The following CCDC73 variants were observed in gnomAD, a reference collection of about 807,000 sequenced individuals.
CCDC73 encodes coiled-coil domain containing 73, also known as coiled-coil domain-containing protein 73.
Under a neutral mutation model 116.5 loss-of-function variants are expected in CCDC73, and 95 were observed. The ratio of observed to expected loss-of-function variants is 0.82; its 90% CI spans 0.69 to 0.97. The LOEUF is 0.97. Among genes scored for constraint, CCDC73 ranks in the 50% least tolerant of loss-of-function variants. The pLI is 0.00. For missense variants in CCDC73, 1,066 were observed against 1,206.8 expected, an observed-to-expected ratio of 0.88 and a Z score of 1.73; for synonymous variants, 398 against 401.3, an observed-to-expected ratio of 0.99 and a Z score of 0.10.
intron 13 of CCDC73, among the ~76,000 whole-genome samples, chr11:32,636,866 A>G (rs1375678559): frequency 1.3e-5 from 2 of 151,708 alleles, no homozygotes; most frequent in African/African-American, 2.4e-5. Flanking sequence ...CCTAAGTCCT[A>G]ATTCTAGGAA....
chr11:32,651,151 G>C (rs1855822814), intron 12 of CCDC73, among the ~76,000 whole-genome samples: 1 of 151,998 alleles, frequency 6.6e-6, no homozygotes, highest in South Asian at 2.1e-4. Context: ...ACGTGGGTGG[G>C]GAAGAGAATC....
At chr11:32,719,069 CAG>C (rs1849969148) in intron 2 of CCDC73, among the ~76,000 whole-genome samples, 1 of 152,174 alleles carries the variant, frequency 6.6e-6, no homozygotes, top group Non-Finnish European at 1.5e-5. Flanking sequence ...GCTGCAAAGA[CAG>C]AGTTTCTCTG....
the CCDC73 span, among the ~76,000 whole-genome samples, chr11:32,820,297 C>G: frequency 3.3e-5 from 5 of 152,030 alleles, 1 homozygote; most frequent in African/African-American, 9.7e-5. Flanking sequence ...GAACTATAGG[C>G]ATGTGACACC....
At chr11:32,764,638 A>G (rs1010145928) in intron 1 of CCDC73, among the ~76,000 whole-genome samples, 4 of 152,206 alleles carry the variant, frequency 2.6e-5, no homozygotes, top group Admixed American at 2.0e-4. Context: ...AGGAACAACC[A>G]GTACCAGCCA....
chr11:32,695,505 T>C (rs775043039), intron 6 of CCDC73, among the ~76,000 whole-genome samples: 6 of 152,132 alleles, frequency 3.9e-5, no homozygotes, highest in Non-Finnish European at 8.8e-5. Flanking sequence ...GTGGAGTGAG[T>C]TGAATGTGTT....
intron 12 of CCDC73, among the ~76,000 whole-genome samples, chr11:32,645,267 TA>T (rs1855766867): frequency 6.6e-6 from 1 of 150,576 alleles, no homozygotes; most frequent in Admixed American, 6.7e-5. Context: ...GTTTCACAGT[TA>T]ACTTTTTTTT....
At chr11:32,683,736 T>A (rs1264133187) in intron 6 of CCDC73, among the ~76,000 whole-genome samples, 162 bp from the exon 7 acceptor site, 3 of 152,186 alleles carry the variant, frequency 2.0e-5, no homozygotes, top group African/African-American at 7.2e-5. Context: ...TGCTAGATAC[T>A]TTCCTAGACT....
At chr11:32,806,361 CT>C in the CCDC73 span, among the ~76,000 whole-genome samples, 16 of 152,190 alleles carry the variant, frequency 1.1e-4, no homozygotes, top group African/African-American at 3.4e-4. Flanking sequence ...TAGCTCACCC[CT>C]ATCATCCCGC....
chr11:32,729,913 T>C (rs1297340056), intron 2 of CCDC73, among the ~76,000 whole-genome samples: 1 of 152,214 alleles, frequency 6.6e-6, no homozygotes, highest in Non-Finnish European at 1.5e-5. Context: ...AGAAACAAAT[T>C]TACCAAGTAG....
intron 2 of CCDC73, among the ~76,000 whole-genome samples, chr11:32,729,482 C>T (rs945702651): frequency 2.6e-5 from 4 of 152,096 alleles, no homozygotes; most frequent in South Asian, 2.1e-4. Context: ...AATGAACATA[C>T]GTGTGCATGT....
chr11:32,751,517 G>T (rs1479023032), intron 2 of CCDC73, among the ~76,000 whole-genome samples: 2 of 152,166 alleles, frequency 1.3e-5, no homozygotes, highest in Non-Finnish European at 2.9e-5. Flanking sequence ...TTCGCCTCTG[G>T]CTAGGGCTAG....
At chr11:32,662,606 G>C (rs1315937668) in intron 9 of CCDC73, among the ~76,000 whole-genome samples, 1 of 151,844 alleles carries the variant, frequency 6.6e-6, no homozygotes, top group African/African-American at 2.4e-5. Context: ...CAGATGAGTA[G>C]ATTGCAAAAT....
chr11:32,806,373 A>G, the CCDC73 span, among the ~76,000 whole-genome samples: 1 of 152,096 alleles, frequency 6.6e-6, no homozygotes, highest in African/African-American at 2.4e-5. Context: ...ATCATCCCGC[A>G]CTTTGGGAGG....
chr11:32,640,670 C>G (rs1207407063), intron 13 of CCDC73, among the ~76,000 whole-genome samples: 2 of 152,016 alleles, frequency 1.3e-5, no homozygotes, highest in Admixed American at 6.6e-5. Context: ...TTAAGTAAAC[C>G]TTAGCAAAAC....
intron 2 of CCDC73, among the ~76,000 whole-genome samples, chr11:32,740,051 T>G (rs749649113): frequency 2.2e-4 from 33 of 152,160 alleles, no homozygotes; most frequent in Non-Finnish European, 3.4e-4. Context: ...TAAATGATAC[T>G]TTTAATCTGT....
the CCDC73 span, among the ~76,000 whole-genome samples, chr11:32,802,795 C>T: frequency 6.6e-6 from 1 of 152,282 alleles, no homozygotes; most frequent in Admixed American, 6.5e-5. Context: ...CTCTGTTGCC[C>T]AGGCTGGAGT....
chr11:32,804,184 G>A, the CCDC73 span, among the ~76,000 whole-genome samples: 6 of 152,098 alleles, frequency 3.9e-5, no homozygotes, highest in Non-Finnish European at 7.3e-5. Context: ...TGTTGCCCAG[G>A]CTGGAGTGCA....
chr11:32,675,970 G>T lies in CCDC73; in HGVS notation c.481C>A (p.Leu161Met). The T allele has an allele frequency of 1.2e-6, 2 of 1,608,672 alleles. No individual in the cohort carries two copies. Among genetic ancestry groups the T allele is most frequent in the Non-Finnish European group, 8.5e-7 (1 of 1,178,172 alleles). Residue 161 changes from leucine to methionine, a missense_variant, in exon 8 of 18, where the codon CTG becomes ATG. Physicochemically the swap from Leu to Met is conservative, Grantham distance 15 (BLOSUM62 2). Transcript: ENST00000335185. ...LLAKEDYHKQ[L>M]SEIEKYYATI... ...GCATAATATTTCTCAATTTCACTCAGTTGCTTATGATAGTCTTCTTTAGCC... is the reference window on the plus strand; with the variant it reads ...GCATAATATTTCTCAATTTCACTCATTTGCTTATGATAGTCTTCTTTAGCC...
chr11:32,820,845 T>G, the CCDC73 span, among the ~76,000 whole-genome samples: 1 of 152,246 alleles, frequency 6.6e-6, no homozygotes, highest in Non-Finnish European at 1.5e-5. Flanking sequence ...GAACATTTTC[T>G]GAGGTTTACT....
Sources: allele counts gnomAD v4.1 joint callset (sites outside exome capture counted in the v4.1 genomes callset), GRCh38; gene constraint gnomAD v4.1.1; transcripts MANE v1.5; gene names NCBI Gene and HGNC (gene_info 2026-07-23, HGNC 2026-07-21).